Variants in LSAMP observed in about 807,000 individuals in gnomAD.
LSAMP encodes limbic system associated membrane protein, also known as limbic system-associated membrane protein.
In LSAMP, 7 loss-of-function variants were observed where a neutral mutation model predicts 38.6. The observed-to-expected ratio is 0.18, with a 90% CI of 0.10 to 0.34. The LOEUF is 0.34. Ranked by LOEUF, LSAMP falls within the 10% of genes least tolerant of loss-of-function variation. The pLI is 1.00. For synonymous variants in LSAMP, 154 were observed against 166.8 expected, an observed-to-expected ratio of 0.92 and a Z score of 0.59; for missense variants, 313 against 420.0, an observed-to-expected ratio of 0.75 and a Z score of 2.23.
chr3:116,025,069 A>G (rs1940751439), intron 2 of LSAMP, among the ~76,000 whole-genome samples: 1 of 151,896 alleles, frequency 6.6e-6, no homozygotes, highest in African/African-American at 2.4e-5. Flanking sequence ...GAATCAGCAA[A>G]TGTTAAGTTT....
At chr3:115,882,694 G>A (rs1227770934) in intron 3 of LSAMP, among the ~76,000 whole-genome samples, 1 of 151,932 alleles carries the variant, frequency 6.6e-6, no homozygotes, top group Non-Finnish European at 1.5e-5. Context: ...ATGTCACATT[G>A]ACATAAAGAA....
At chr3:116,042,311 C>A (rs1941191864) in intron 2 of LSAMP, among the ~76,000 whole-genome samples, 1 of 152,108 alleles carries the variant, frequency 6.6e-6, no homozygotes, top group South Asian at 2.1e-4. Flanking sequence ...AATGGAAATA[C>A]CAAATATTTT....
chr3:116,418,605 C>T (rs947717985), intron 1 of LSAMP, among the ~76,000 whole-genome samples: 1 of 152,104 alleles, frequency 6.6e-6, no homozygotes, highest in African/African-American at 2.4e-5. Flanking sequence ...CAAGCCATTC[C>T]TCACCTTTAA....
At chr3:116,077,923 G>A (rs1707782630) in intron 2 of LSAMP, among the ~76,000 whole-genome samples, 1 of 152,172 alleles carries the variant, frequency 6.6e-6, no homozygotes, top group Non-Finnish European at 1.5e-5. Flanking sequence ...TCAGGTTCTA[G>A]GAAATATTTC....
At chr3:116,196,784 C>A (rs1211417175) in intron 1 of LSAMP, among the ~76,000 whole-genome samples, 1 of 151,508 alleles carries the variant, frequency 6.6e-6, no homozygotes, top group African/African-American at 2.4e-5. Flanking sequence ...CCCATTATTT[C>A]ATTCATTGTA....
At chr3:116,281,145 C>T (rs1350208559) in intron 1 of LSAMP, among the ~76,000 whole-genome samples, 8 of 151,920 alleles carry the variant, frequency 5.3e-5, no homozygotes, top group African/African-American at 1.5e-4. Flanking sequence ...ACATGAAGTA[C>T]AGAAAATTAG....
intron 1 of LSAMP, among the ~76,000 whole-genome samples, chr3:116,143,234 T>G (rs1157919071): frequency 6.6e-6 from 1 of 151,768 alleles, no homozygotes; most frequent in African/African-American, 2.4e-5. Flanking sequence ...TTAAAAAAAT[T>G]TTCTCATTTC....
chr3:116,209,936 A>G (rs2046132662), intron 1 of LSAMP, among the ~76,000 whole-genome samples: 1 of 151,878 alleles, frequency 6.6e-6, no homozygotes, highest in Non-Finnish European at 1.5e-5. Flanking sequence ...TTGTATATTT[A>G]GTAGAGACGG....
At chr3:115,833,678 T>C (rs11915144) in intron 6 of LSAMP, among the ~76,000 whole-genome samples, 9,788 of 152,174 alleles carry the variant, frequency 0.064, 988 homozygotes, top group African/African-American at 0.22. Context: ...TCTGAGCACA[T>C]TGCCTTTATG....
At chr3:115,849,424 A>G (rs371725892) in intron 4 of LSAMP, among the ~76,000 whole-genome samples, 22 of 152,268 alleles carry the variant, frequency 1.4e-4, no homozygotes, top group African/African-American at 5.1e-4. Context: ...TCTGTTGGCA[A>G]CTGAGTAAAT....
intron 3 of LSAMP, among the ~76,000 whole-genome samples, chr3:115,922,975 G>A (rs574706033): frequency 4.6e-5 from 7 of 152,142 alleles, no homozygotes; most frequent in Non-Finnish European, 8.8e-5. Context: ...TGCCAGCACT[G>A]TGAGTGAGGC....
chr3:115,909,991 G>A (rs1365398837), intron 3 of LSAMP, among the ~76,000 whole-genome samples: 2 of 152,072 alleles, frequency 1.3e-5, no homozygotes, highest in African/African-American at 2.4e-5. Flanking sequence ...AGTCATTGAC[G>A]CAATGTGCTC....
At chr3:115,959,226 A>AT (rs917349870) in intron 3 of LSAMP, among the ~76,000 whole-genome samples, 49 of 152,034 alleles carry the variant, frequency 3.2e-4, no homozygotes, top group African/African-American at 9.9e-4. Flanking sequence ...TTAGCCTGAG[A>AT]TTTTTTCTTG....
intron 1 of LSAMP, among the ~76,000 whole-genome samples, chr3:116,279,583 T>C (rs2047099835): frequency 6.6e-6 from 1 of 152,242 alleles, no homozygotes. Context: ...TTTTTCATAT[T>C]TGGAAAATAT....
chr3:116,172,772 G>A (rs563931862), intron 1 of LSAMP, among the ~76,000 whole-genome samples: 27 of 151,958 alleles, frequency 1.8e-4, no homozygotes, highest in Admixed American at 4.6e-4. Context: ...AGAATCATTA[G>A]TGTAATGGAT....
intron 3 of LSAMP, among the ~76,000 whole-genome samples, chr3:116,006,181 T>TA (rs982170784): frequency 1.3e-5 from 2 of 152,094 alleles, no homozygotes; most frequent in African/African-American, 4.8e-5. Flanking sequence ...ATAATTAGGT[T>TA]AAAATGAGGT....
intron 3 of LSAMP, among the ~76,000 whole-genome samples, chr3:115,974,269 G>A (rs759440228): frequency 3.3e-5 from 5 of 152,096 alleles, no homozygotes; most frequent in Non-Finnish European, 7.4e-5. Context: ...GCTTGAACCC[G>A]GGAAGAGGGA....
intron 3 of LSAMP, among the ~76,000 whole-genome samples, chr3:115,889,748 G>A (rs1440328874): frequency 1.3e-5 from 2 of 151,854 alleles, no homozygotes; most frequent in African/African-American, 2.4e-5. Flanking sequence ...TAAACAATAT[G>A]GCATTAATGA....
chr3:115,839,610 T>C (rs1276870419), intron 6 of LSAMP, among the ~76,000 whole-genome samples: 3 of 152,210 alleles, frequency 2.0e-5, no homozygotes, highest in Admixed American at 2.0e-4. Context: ...ATCTTTCATA[T>C]TCTATTTTTT....
Sources: allele counts gnomAD v4.1 joint callset (sites outside exome capture counted in the v4.1 genomes callset), GRCh38; gene constraint gnomAD v4.1.1; transcripts MANE v1.5; gene names NCBI Gene and HGNC (gene_info 2026-07-23, HGNC 2026-07-21).